Variants in TENM2 observed in about 807,000 individuals in gnomAD.
The protein encoded by TENM2 is teneurin-2.
A neutral mutation model predicts 245.2 loss-of-function variants in TENM2; 52 were observed. The observed-to-expected ratio is 0.21, with a 90% CI of 0.17 to 0.27. The LOEUF is 0.27. Among genes scored for constraint, TENM2 ranks in the 10% least tolerant of loss-of-function variants. The pLI is 1.00. For synonymous variants in TENM2, 1,363 were observed against 1,438.9 expected, an observed-to-expected ratio of 0.95 and a Z score of 1.19; for missense variants, 3,046 against 3,666.8, an observed-to-expected ratio of 0.83 and a Z score of 4.37.
At chr5:167,272,023 A>G in the TENM2 span, among the ~76,000 whole-genome samples, 2 of 152,108 alleles carry the variant, frequency 1.3e-5, no homozygotes, top group African/African-American at 2.4e-5. Flanking sequence ...GAGTGTATCT[A>G]TGCTTAGAAT....
At chr5:167,116,288 G>T in the TENM2 span, 2 of 152,286 alleles carry the variant, frequency 1.3e-5, no homozygotes, top group Admixed American at 6.5e-5. Context: ...TTGCCGTACA[G>T]TTCCAAGAAA....
chr5:167,337,577 G>A (rs1422116979), intron 1 of TENM2, among the ~76,000 whole-genome samples: 1 of 152,128 alleles, frequency 6.6e-6, no homozygotes, highest in Admixed American at 6.5e-5. Flanking sequence ...TAAAAATGTT[G>A]GCCAAGGTTT....
chr5:167,373,062 G>T (rs1213376671), intron 1 of TENM2, among the ~76,000 whole-genome samples: 1 of 152,134 alleles, frequency 6.6e-6, no homozygotes, highest in Non-Finnish European at 1.5e-5. Context: ...ACAGGTAGTG[G>T]GTAATCACCC....
chr5:167,904,796 A>G (rs1775960910), intron 3 of TENM2, among the ~76,000 whole-genome samples: 1 of 152,218 alleles, frequency 6.6e-6, no homozygotes, highest in Non-Finnish European at 1.5e-5. Context: ...CAACGCTGCC[A>G]GTTCTCTGAG....
the TENM2 span, among the ~76,000 whole-genome samples, chr5:167,079,476 G>C: frequency 0.041 from 6,111 of 150,816 alleles, 168 homozygotes; most frequent in South Asian, 0.091. Context: ...ACCATGCCTG[G>C]CAAATTTTGT....
intron 2 of TENM2, among the ~76,000 whole-genome samples, chr5:167,842,336 C>A (rs533947117): frequency 6.6e-6 from 1 of 152,190 alleles, no homozygotes; most frequent in South Asian, 2.1e-4. Context: ...TGCCTGTAAT[C>A]CCAGCACTTT....
intron 2 of TENM2, among the ~76,000 whole-genome samples, chr5:167,395,166 C>A (rs1230545213): frequency 6.6e-6 from 1 of 152,038 alleles, no homozygotes; most frequent in Non-Finnish European, 1.5e-5. Flanking sequence ...CTTTTAATTT[C>A]TTTTATAAAA....
chr5:167,936,395 A>G (rs948024146), intron 3 of TENM2, among the ~76,000 whole-genome samples: 8 of 152,254 alleles, frequency 5.3e-5, no homozygotes, highest in East Asian at 1.9e-4. Flanking sequence ...CGATATGCCA[A>G]TAGGACTTTT....
Position 167,702,552 on chromosome 5 carries a change from G to GTATATATATA in TENM2, c.503-173423_503-173414dup, listed in dbSNP as rs374895330. Reference sequence around the variant, plus strand: ...TATGTATGTATGTATGTGTGTGTGTGTATATATATATATATATATACATAT... The same window carrying GTATATATATA: ...TATGTATGTATGTATGTGTGTGTGTGTATATATATATATATATATATATATATATACATAT... On this transcript the variant is annotated intron_variant, in intron 2 of 28. Transcript: ENST00000518659. 2.0e-3 allele frequency among the ~76,000 whole-genome samples: 280 copies of GTATATATATA among 136,760 alleles called. 1 individual carries two copies. Among genetic ancestry groups the GTATATATATA allele is most frequent in the Middle Eastern group, 7.5e-3 (2 of 268 alleles). 89.7% of individuals were successfully genotyped at this position (136,760 alleles called of 152,430 possible). A position where few individuals can be genotyped will look rare whatever the true frequency, so the allele number is the denominator to read the frequency against.
At chr5:167,477,624 G>C (rs959485761) in intron 2 of TENM2, among the ~76,000 whole-genome samples, 5 of 152,110 alleles carry the variant, frequency 3.3e-5, no homozygotes, top group African/African-American at 1.2e-4. Context: ...TTCCTATTCA[G>C]TCACCAGTTT....
chr5:167,303,949 T>C (rs1468534634), intron 1 of TENM2, among the ~76,000 whole-genome samples: 1 of 152,174 alleles, frequency 6.6e-6, no homozygotes, highest in African/African-American at 2.4e-5. Flanking sequence ...TTGAGCAATC[T>C]GGATTTATTT....
the TENM2 span, among the ~76,000 whole-genome samples, chr5:167,228,188 C>T: frequency 6.6e-6 from 1 of 151,964 alleles, no homozygotes; most frequent in African/African-American, 2.4e-5. Flanking sequence ...CATCACCACG[C>T]ATAGCTAATT....
chr5:168,039,365 G>A (rs1216140991), intron 5 of TENM2, among the ~76,000 whole-genome samples: 15 of 152,074 alleles, frequency 9.9e-5, no homozygotes, highest in Non-Finnish European at 1.9e-4. Context: ...TGACAAGCTC[G>A]GAGGGGAGAA....
chr5:167,289,083 G>A (rs1754490479), intron 1 of TENM2, among the ~76,000 whole-genome samples: 1 of 152,078 alleles, frequency 6.6e-6, no homozygotes, highest in Admixed American at 6.5e-5. Context: ...AATCATTCCT[G>A]ACTCTCCAGA....
chr5:167,722,733 C>T (rs556858263), intron 2 of TENM2, among the ~76,000 whole-genome samples: 19 of 152,136 alleles, frequency 1.2e-4, no homozygotes, highest in African/African-American at 2.4e-4. Context: ...GCCGAGATTG[C>T]GCCACTGCAC....
chr5:167,414,148 C>T (rs1763046287), intron 2 of TENM2, among the ~76,000 whole-genome samples: 1 of 152,068 alleles, frequency 6.6e-6, no homozygotes, highest in Non-Finnish European at 1.5e-5. Flanking sequence ...CTCATTTTCT[C>T]TTTTAACAGA....
upstream of TENM2, among the ~76,000 whole-genome samples, chr5:167,283,530 G>A (rs1428905684): frequency 2.0e-5 from 3 of 152,182 alleles, no homozygotes; most frequent in African/African-American, 7.2e-5. Flanking sequence ...CCACATTGCT[G>A]TGCATAGCTA....
the TENM2 span, among the ~76,000 whole-genome samples, chr5:167,009,274 T>C: frequency 6.6e-6 from 1 of 152,198 alleles, no homozygotes; most frequent in South Asian, 2.1e-4. Flanking sequence ...TCTCCTGTTA[T>C]AAACCTGAGC....
At chr5:167,626,175 G>C (rs1277105840) in intron 2 of TENM2, among the ~76,000 whole-genome samples, 2 of 152,144 alleles carry the variant, frequency 1.3e-5, no homozygotes, top group African/African-American at 4.8e-5. Flanking sequence ...CCATATTTCT[G>C]TAATGGCTAA....
Sources: allele counts gnomAD v4.1 joint callset (sites outside exome capture counted in the v4.1 genomes callset), GRCh38; gene constraint gnomAD v4.1.1; transcripts MANE v1.5; gene names NCBI Gene and HGNC (gene_info 2026-07-23, HGNC 2026-07-21).